RPS6KA2: variants seen among roughly 807,000 people sequenced by gnomAD.
RPS6KA2 encodes the protein ribosomal protein S6 kinase alpha-2.
RPS6KA2 carries 42 observed loss-of-function variants against 91.8 expected under a neutral mutation model. The observed-to-expected ratio is 0.46, with a 90% CI of 0.36 to 0.59. RPS6KA2 has a LOEUF of 0.59. Among genes scored for constraint, RPS6KA2 ranks in the 20% least tolerant of loss-of-function variants. The pLI, the probability that RPS6KA2 is intolerant of heterozygous loss-of-function variation, is 0.00. For synonymous variants in RPS6KA2, 414 were observed against 393.6 expected, an observed-to-expected ratio of 1.05 and a Z score of -0.61; for missense variants, 798 against 978.5, an observed-to-expected ratio of 0.82 and a Z score of 2.46.
chr6:166,487,348 C>T (rs1781446468), intron 10 of RPS6KA2, among the ~76,000 whole-genome samples: 1 of 152,116 alleles, frequency 6.6e-6, no homozygotes, highest in African/African-American at 2.4e-5. Flanking sequence ...GTGTCACCTG[C>T]TCTGACGTCA....
intron 19 of RPS6KA2, 25 bp from the exon 20 acceptor site, chr6:166,413,956 G>A (rs371404017): frequency 1.5e-5 from 24 of 1,605,180 alleles, no homozygotes; most frequent in African/African-American, 1.1e-4. Context: ...CATGAGAGTC[G>A]GGGGGATGGT....
At chr6:166,826,406 G>A (rs1780049302) in intron 2 of RPS6KA2, among the ~76,000 whole-genome samples, 2 of 152,108 alleles carry the variant, frequency 1.3e-5, no homozygotes, top group Admixed American at 1.3e-4. Context: ...TCACACTGTA[G>A]GACTCAAAAA....
Position 166,626,309 on chromosome 6 carries a change from A to C in RPS6KA2, c.99+612T>G, listed in dbSNP as rs1284844650. On this transcript the variant is annotated intron_variant, in intron 1 of 20. Coordinates refer to ENST00000265678, the MANE Select transcript of RPS6KA2 (RefSeq NM_021135.6). The surrounding 1 kb of genome is among the most constrained non-coding windows in gnomAD (Gnocchi z 4.1). ...GGAGTACTCTGGGTTTTCAGGACGA[A>C]TCTGTATCAGCCTCGGCGCTGCGAG... Among the ~76,000 whole-genome samples, 1 of 152,240 alleles carries C rather than the reference A, an allele frequency of 6.6e-6. No homozygotes were observed. Among genetic ancestry groups the C allele is most frequent in the Non-Finnish European group, 1.5e-5 (1 of 68,038 alleles).
At position 166,734,406 on chromosome 6, in the gene RPS6KA2, C is replaced by T. The variant is rs187853745; in HGVS notation, c.123+123794G>A. Among the ~76,000 whole-genome samples, 70 of 152,276 alleles carry T rather than the reference C, an allele frequency of 4.6e-4. 1 individual carries two copies. Among genetic ancestry groups the T allele is most frequent in the African/African-American group, 1.6e-3 (67 of 41,552 alleles). On this transcript the variant is annotated intron_variant, in intron 2 of 21. Coordinates refer to the RPS6KA2 transcript ENST00000503859. ...CTACCCAAACGGAAGAGCAATAGGT[C>T]CTCTTTTCCATATTCAGGTGCTAGG...
At chr6:166,528,980 A>G (rs1342312356) in intron 3 of RPS6KA2, among the ~76,000 whole-genome samples, 7 of 152,246 alleles carry the variant, frequency 4.6e-5, no homozygotes, top group Non-Finnish European at 1.0e-4. Flanking sequence ...GTGGGACTGT[A>G]AACTAGTTTA....
intron 1 of RPS6KA2, among the ~76,000 whole-genome samples, chr6:166,621,934 C>A (rs1786651898): frequency 6.6e-6 from 1 of 152,164 alleles, no homozygotes; most frequent in African/African-American, 2.4e-5. Flanking sequence ...CTTCTCCCAC[C>A]CACTATTAAA....
intron 20 of RPS6KA2, among the ~76,000 whole-genome samples, chr6:166,413,325 G>A (rs1451345885): frequency 6.6e-6 from 1 of 152,192 alleles, no homozygotes; most frequent in Non-Finnish European, 1.5e-5. Flanking sequence ...TGGAGGAACA[G>A]GCATATCCTG....
At chr6:166,712,930 A>G (rs1416831320) in intron 2 of RPS6KA2, among the ~76,000 whole-genome samples, 4 of 152,124 alleles carry the variant, frequency 2.6e-5, no homozygotes, top group Admixed American at 6.5e-5. Flanking sequence ...CCTGGGTGGG[A>G]GCACAGGGAG....
rs543374221 is a variant in RPS6KA2 at position 166,853,845 on chromosome 6, T to C, written c.123+4355A>G. Among the ~76,000 whole-genome samples, 17 of 152,350 alleles carry C rather than the reference T, an allele frequency of 1.1e-4. No individual in the cohort carries two copies. In the East Asian group the frequency reaches 2.7e-3, roughly 24 times the overall value. On this transcript the variant is annotated intron_variant, in intron 2 of 21. Transcript: ENST00000503859. ...CTCATGGAGGCGCTCTCAGCCCCGG[T>C]GCTCCTTTGCCTCAGTACACATGGC...
upstream of RPS6KA2, among the ~76,000 whole-genome samples, chr6:166,628,288 GCT>G (rs898035675): frequency 2.0e-5 from 3 of 152,204 alleles, no homozygotes; most frequent in Non-Finnish European, 2.9e-5. Flanking sequence ...CGTGCAGCCT[GCT>G]CTGTTTTCCT....
At chr6:166,774,042 C>CT (rs1439727261) in intron 2 of RPS6KA2, among the ~76,000 whole-genome samples, 5 of 151,482 alleles carry the variant, frequency 3.3e-5, no homozygotes, top group African/African-American at 4.9e-5. Context: ...TGGATTGAAT[C>CT]TTTTTTTTTA....
chr6:166,626,295 G>C lies in RPS6KA2; in HGVS notation c.99+626C>G, dbSNP rs1260673838. ...AGGACAGGGCTTTGGGAGTACTCTG[G>C]GTTTTCAGGACGAATCTGTATCAGC... On this transcript the variant is annotated intron_variant, in intron 1 of 20. Coordinates refer to ENST00000265678, the MANE Select transcript of RPS6KA2 (RefSeq NM_021135.6). This position sits in a 1 kb window ranked among gnomAD's most constrained non-coding sequence, Gnocchi z 4.1. 1.3e-5 allele frequency among the ~76,000 whole-genome samples: 2 copies of C among 152,198 alleles called. No individual in the cohort carries two copies. Among genetic ancestry groups the C allele is most frequent in the African/African-American group, 4.8e-5 (2 of 41,438 alleles).
chr6:166,677,503 G>A (rs1054491264), intron 2 of RPS6KA2, among the ~76,000 whole-genome samples: 1 of 151,914 alleles, frequency 6.6e-6, no homozygotes, highest in African/African-American at 2.4e-5. Context: ...TGGGACTACA[G>A]GCATGCACCA....
intron 2 of RPS6KA2, among the ~76,000 whole-genome samples, chr6:166,856,634 C>G (rs940449080): frequency 6.6e-6 from 1 of 152,210 alleles, no homozygotes; most frequent in African/African-American, 2.4e-5. Context: ...TCACATAAGT[C>G]TGTCTGCAGT....
intron 2 of RPS6KA2, among the ~76,000 whole-genome samples, chr6:166,696,242 T>G (rs1789356456): frequency 6.6e-6 from 1 of 152,002 alleles, no homozygotes; most frequent in Non-Finnish European, 1.5e-5. Flanking sequence ...CCACGTGAGA[T>G]CTGGGTGGTA....
At chr6:166,492,860 C>T (rs1337223785) in intron 8 of RPS6KA2, among the ~76,000 whole-genome samples, 8 of 149,968 alleles carry the variant, frequency 5.3e-5, no homozygotes, top group East Asian at 2.0e-4. Flanking sequence ...GGACTACAGG[C>T]GTGAGCCACC....
At chr6:166,643,180 G>C (rs1787497457) in intron 2 of RPS6KA2, among the ~76,000 whole-genome samples, 3 of 152,218 alleles carry the variant, frequency 2.0e-5, no homozygotes, top group African/African-American at 7.2e-5. Flanking sequence ...CTAATTAGTA[G>C]TTTGTAAGTG....
chr6:166,514,547 C>T lies in RPS6KA2; in HGVS notation c.299-4190G>A, dbSNP rs3799666. ...ACCCTCAGGGATGCCAGTGGGCTGG[C>T]GCACAGAGCTGCAGTGCCACACTGA... On this transcript the variant is annotated intron_variant, in intron 3 of 20. Transcript: ENST00000265678. Among the ~76,000 whole-genome samples, 897 of 152,260 alleles carry T rather than the reference C, an allele frequency of 5.9e-3. 61 individuals carry two copies. The East Asian group carries it at 0.14, about 24-fold the overall frequency.
chr6:166,534,827 C>T (rs527238544), intron 2 of RPS6KA2, among the ~76,000 whole-genome samples: 199 of 152,372 alleles, frequency 1.3e-3, no homozygotes, highest in Non-Finnish European at 2.5e-3. Flanking sequence ...CGAATTCCTG[C>T]AGCAGGTGCT....
Sources: allele counts gnomAD v4.1 joint callset (sites outside exome capture counted in the v4.1 genomes callset), GRCh38; gene constraint gnomAD v4.1.1; non-coding constraint Gnocchi (gnomAD v3.1); transcripts MANE v1.5; gene names NCBI Gene and HGNC (gene_info 2026-07-23, HGNC 2026-07-21).